PPARGC1A: variants seen among roughly 807,000 people sequenced by gnomAD.
The protein encoded by PPARGC1A is peroxisome proliferator-activated receptor gamma coactivator 1-alpha.
PPARGC1A carries 25 observed loss-of-function variants against 88.7 expected under a neutral mutation model. The observed-to-expected ratio is 0.28, with a 90% CI of 0.21 to 0.39. PPARGC1A has a LOEUF of 0.39. Among genes scored for constraint, PPARGC1A ranks in the 10% least tolerant of loss-of-function variants. The pLI is 1.00. For synonymous variants in PPARGC1A, 363 were observed against 355.6 expected (o/e 1.02, Z -0.24); for missense variants, 880 against 968.7 (o/e 0.91, Z 1.22).
At chr4:24,067,493 T>G in the PPARGC1A span, among the ~76,000 whole-genome samples, 234 of 152,132 alleles carry the variant, frequency 1.5e-3, 1 homozygote, top group African/African-American at 5.4e-3. Context: ...CCGCGTATGC[T>G]CAAAAGGACA....
the PPARGC1A span, among the ~76,000 whole-genome samples, chr4:24,334,797 T>C: frequency 6.6e-6 from 1 of 152,208 alleles, no homozygotes; most frequent in East Asian, 1.9e-4. Context: ...TTCCCTATGA[T>C]GTGATACATA....
chr4:24,184,024 T>C, the PPARGC1A span, among the ~76,000 whole-genome samples: 1 of 152,248 alleles, frequency 6.6e-6, no homozygotes, highest in Non-Finnish European at 1.5e-5. Context: ...GGATATCTTC[T>C]GTCCAACTCT....
chr4:24,441,647 A>T, the PPARGC1A span, among the ~76,000 whole-genome samples: 1 of 152,182 alleles, frequency 6.6e-6, no homozygotes, highest in Non-Finnish European at 1.5e-5. Flanking sequence ...TATTGTCCAA[A>T]AAAAAGGAAA....
the PPARGC1A span, among the ~76,000 whole-genome samples, chr4:24,283,527 C>A: frequency 6.6e-6 from 1 of 152,314 alleles, no homozygotes; most frequent in South Asian, 2.1e-4. Context: ...ACTCTTTAAC[C>A]TGATGAACAT....
the PPARGC1A span, among the ~76,000 whole-genome samples, chr4:24,164,703 A>G: frequency 2.6e-5 from 4 of 152,200 alleles, no homozygotes; most frequent in East Asian, 7.7e-4. Flanking sequence ...GCACTGCCAC[A>G]TTACATAGAA....
the PPARGC1A span, among the ~76,000 whole-genome samples, chr4:24,326,841 C>T: frequency 3.3e-5 from 5 of 152,186 alleles, no homozygotes; most frequent in Non-Finnish European, 5.9e-5. Flanking sequence ...GCCTAGCCCT[C>T]ATGTCTGCGT....
the PPARGC1A span, among the ~76,000 whole-genome samples, chr4:24,349,649 G>A: frequency 3.1e-4 from 47 of 152,206 alleles, no homozygotes; most frequent in African/African-American, 7.7e-4. Context: ...CACTCCCACC[G>A]TGCCCCCACC....
chr4:24,436,308 G>A, the PPARGC1A span, among the ~76,000 whole-genome samples: 14 of 152,238 alleles, frequency 9.2e-5, no homozygotes, highest in Non-Finnish European at 2.9e-5. Context: ...CAGGATGGGT[G>A]TGACTGATTT....
chr4:23,981,957 C>T, the PPARGC1A span, among the ~76,000 whole-genome samples: 1 of 151,916 alleles, frequency 6.6e-6, no homozygotes, highest in African/African-American at 2.4e-5. Flanking sequence ...GTCCTGAGGC[C>T]AGAAGGAAAA....
upstream of PPARGC1A, chr4:23,890,325 C>T (rs1717646859): frequency 1.0e-5 from 2 of 197,968 alleles, no homozygotes; most frequent in Non-Finnish European, 2.0e-5. Context: ...TTGAATGCCA[C>T]AGACTCTAAA....
At chr4:24,249,248 T>A in the PPARGC1A span, among the ~76,000 whole-genome samples, 8 of 151,754 alleles carry the variant, frequency 5.3e-5, no homozygotes, top group African/African-American at 1.9e-4. Context: ...GAAAGAAAAA[T>A]AGCTATGAAG....
At chr4:23,897,439 G>A (rs1276313428) in intron 1 of PPARGC1A, among the ~76,000 whole-genome samples, 1 of 152,174 alleles carries the variant, frequency 6.6e-6, no homozygotes, top group Admixed American at 6.5e-5. Flanking sequence ...TTCATGTAAT[G>A]ATACTGAGCC....
At chr4:24,430,788 C>A in the PPARGC1A span, among the ~76,000 whole-genome samples, 3 of 152,062 alleles carry the variant, frequency 2.0e-5, no homozygotes, top group African/African-American at 7.2e-5. Context: ...CCAGAAGAGA[C>A]ATGGTATGAG....
chr4:24,214,450 G>T, the PPARGC1A span, among the ~76,000 whole-genome samples: 2 of 152,174 alleles, frequency 1.3e-5, no homozygotes, highest in African/African-American at 2.4e-5. Context: ...TGACAGCATA[G>T]TGTTTTCTAA....
chr4:24,428,300 G>T, the PPARGC1A span, among the ~76,000 whole-genome samples: 1 of 152,122 alleles, frequency 6.6e-6, no homozygotes, highest in Non-Finnish European at 1.5e-5. Flanking sequence ...AGAGAGAATG[G>T]CCAAAGGCAG....
At chr4:24,339,212 GTA>G in the PPARGC1A span, among the ~76,000 whole-genome samples, 707 of 58,908 alleles carry the variant, frequency 0.012, 5 homozygotes, top group African/African-American at 0.026. Flanking sequence ...GTGTGTGTGT[GTA>G]TATATATATA....
At chr4:24,469,581 C>T in the PPARGC1A span, among the ~76,000 whole-genome samples, 1 of 152,238 alleles carries the variant, frequency 6.6e-6, no homozygotes, top group Non-Finnish European at 1.5e-5. Context: ...TACAATTTCA[C>T]TGCACTAAGA....
the PPARGC1A span, among the ~76,000 whole-genome samples, chr4:24,224,739 A>G: frequency 6.6e-6 from 1 of 152,214 alleles, no homozygotes; most frequent in Admixed American, 6.5e-5. Flanking sequence ...GAAAACAAAC[A>G]AAACATGAGA....
the PPARGC1A span, among the ~76,000 whole-genome samples, chr4:24,136,373 T>C: frequency 1.3e-5 from 2 of 152,028 alleles, no homozygotes; most frequent in Non-Finnish European, 2.9e-5. Flanking sequence ...AGACGTAGAG[T>C]TACAGTGTAT....
Sources: gnomAD v4.1 joint callset for allele counts (sites outside exome capture counted in the v4.1 genomes callset) on GRCh38, gnomAD v4.1.1 for gene constraint, MANE v1.5 for transcripts, NCBI Gene and HGNC (gene_info 2026-07-23, HGNC 2026-07-21) for gene names.